FGF14: variants seen among roughly 807,000 people sequenced by gnomAD.
FGF14 encodes the protein fibroblast growth factor homologous factor 4.
A neutral mutation model predicts 25.5 loss-of-function variants in FGF14; 5 were observed. The observed-to-expected ratio is 0.20, with a 90% CI of 0.10 to 0.41. FGF14 has a LOEUF of 0.41. Among genes scored for constraint, FGF14 ranks in the 10% least tolerant of loss-of-function variants. The pLI, the probability that FGF14 is intolerant of heterozygous loss-of-function variation, is 1.00. For missense variants in FGF14, 222 were observed against 320.1 expected (o/e 0.69, Z 2.34); for synonymous variants, 138 against 118.3 (o/e 1.17, Z -1.08).
intron 3 of FGF14, among the ~76,000 whole-genome samples, chr13:101,830,816 G>A (rs1226211711): frequency 6.6e-6 from 1 of 152,048 alleles, no homozygotes; most frequent in Non-Finnish European, 1.5e-5. Context: ...CCATTTTGGT[G>A]GCTCTAGGGA....
At chr13:102,103,724 G>A (rs1466542176) in intron 1 of FGF14, among the ~76,000 whole-genome samples, 1 of 152,112 alleles carries the variant, frequency 6.6e-6, no homozygotes, top group Admixed American at 6.6e-5. Flanking sequence ...TGTTTTAGAG[G>A]TCCTTTACCT....
chr13:102,130,181 C>T (rs1277671092), intron 1 of FGF14, among the ~76,000 whole-genome samples: 4 of 152,052 alleles, frequency 2.6e-5, no homozygotes, highest in African/African-American at 4.8e-5. Flanking sequence ...AACTCCAGCC[C>T]GGGGAAGAAG....
At chr13:102,261,488 T>C (rs1463029104) in intron 1 of FGF14, among the ~76,000 whole-genome samples, 1 of 152,246 alleles carries the variant, frequency 6.6e-6, no homozygotes. Flanking sequence ...GATGTCACTA[T>C]GTAATTATAG....
rs1301913992 is a variant in FGF14, at chr13:102,161,643, G to C, written c.208+239828C>G. Among the ~76,000 whole-genome samples, 84 of 12,660 alleles carry C rather than the reference G, an allele frequency of 6.6e-3. 2 individuals carry two copies. The highest frequency in any genetic ancestry group is 8.8e-3 in the Non-Finnish European group (55 of 6,250). The allele number at this position is 12,660 out of a possible 152,430, so 8.3% of individuals were successfully genotyped here. A position where few individuals can be genotyped will look rare whatever the true frequency, so the allele number is the denominator to read the frequency against. On this transcript the variant is annotated intron_variant, in intron 1 of 4. Transcript: ENST00000376131. ...AGAAGAAGAAGAAGAAGAAGAAGAA[G>C]AAGAAGAAGAAGAAGAAGAAGAAGA...
intron 1 of FGF14, among the ~76,000 whole-genome samples, chr13:101,932,338 T>A (rs1310995399): frequency 2.6e-5 from 4 of 152,026 alleles, no homozygotes; most frequent in Non-Finnish European, 5.9e-5. Context: ...GTGACCAGCC[T>A]GGCCAACATG....
intron 1 of FGF14, among the ~76,000 whole-genome samples, chr13:101,986,385 T>G (rs868038179): frequency 2.0e-5 from 3 of 152,258 alleles, no homozygotes; most frequent in South Asian, 4.1e-4. Context: ...AACTTTCTCA[T>G]ATATTGAATC....
intron 1 of FGF14, among the ~76,000 whole-genome samples, chr13:101,991,997 A>G (rs1407962854): frequency 6.6e-6 from 1 of 152,156 alleles, no homozygotes; most frequent in African/African-American, 2.4e-5. Context: ...TGTAAAGAAG[A>G]AAAACACCCA....
intron 3 of FGF14, among the ~76,000 whole-genome samples, chr13:101,857,645 G>T (rs536623526): frequency 6.6e-6 from 1 of 152,110 alleles, no homozygotes; most frequent in South Asian, 2.1e-4. Flanking sequence ...AACTTAAAAT[G>T]TAGTGAGCAT....
chr13:101,716,099 G>A lies in FGF14; in HGVS notation c.*6732C>T, dbSNP rs2034710063. The A allele has an allele frequency of 6.5e-6, 1 of 153,190 alleles. No homozygotes were observed. The highest frequency in any genetic ancestry group is 1.5e-5 in the Non-Finnish European group (1 of 68,818). The allele number at this position is 153,190 out of a possible 1,614,324, so 9.5% of individuals were successfully genotyped here. On this transcript the variant is annotated 3_prime_UTR_variant, in exon 5 of 5. Coordinates refer to ENST00000376143, the MANE Select transcript of FGF14 (RefSeq NM_004115.4). ...TAGGGCTCAAACTGAGAAACATTGA[G>A]TTATATGGCTATTAGAAATCCACAT...
At chr13:102,201,403 G>A (rs2049641929) in intron 1 of FGF14, among the ~76,000 whole-genome samples, 1 of 152,096 alleles carries the variant, frequency 6.6e-6, no homozygotes, top group South Asian at 2.1e-4. Flanking sequence ...TGCCCTTAGT[G>A]TACAAAGGAA....
intron 3 of FGF14, among the ~76,000 whole-genome samples, chr13:101,854,053 T>C (rs1444737130): frequency 6.6e-6 from 1 of 152,080 alleles, no homozygotes; most frequent in African/African-American, 2.4e-5. Context: ...CTATTCTACA[T>C]TGCAGTACTG....
At chr13:102,295,896 C>T (rs989781850) in intron 1 of FGF14, among the ~76,000 whole-genome samples, 3 of 152,082 alleles carry the variant, frequency 2.0e-5, no homozygotes, top group African/African-American at 4.8e-5. Flanking sequence ...GCAGAGATTG[C>T]GAAAATAGAT....
At chr13:101,977,538 A>G (rs933076158) in intron 1 of FGF14, among the ~76,000 whole-genome samples, 7 of 151,956 alleles carry the variant, frequency 4.6e-5, no homozygotes, top group Admixed American at 1.3e-4. Context: ...ACGGCCCAGC[A>G]TTTTCCTCCC....
intron 1 of FGF14, among the ~76,000 whole-genome samples, chr13:102,316,555 A>G (rs1365018257): frequency 6.6e-6 from 1 of 152,222 alleles, no homozygotes; most frequent in Non-Finnish European, 1.5e-5. Flanking sequence ...ATGTTAAAAC[A>G]TTGAGAACCA....
intron 3 of FGF14, among the ~76,000 whole-genome samples, chr13:101,837,398 T>A (rs192983344): frequency 6.6e-6 from 1 of 152,184 alleles, no homozygotes; most frequent in African/African-American, 2.4e-5. Flanking sequence ...CTACCTTAAG[T>A]CTCAGACTCT....
At chr13:102,358,972 T>C (rs2057492275) in intron 1 of FGF14, among the ~76,000 whole-genome samples, 1 of 152,176 alleles carries the variant, frequency 6.6e-6, no homozygotes, top group South Asian at 2.1e-4. Flanking sequence ...ATATATACCA[T>C]GGAATACTAT....
intron 1 of FGF14, among the ~76,000 whole-genome samples, chr13:101,901,198 T>TG (rs1298672899): frequency 9.3e-5 from 14 of 150,732 alleles, no homozygotes; most frequent in African/African-American, 3.5e-4. Context: ...AAAGTCTTTC[T>TG]GAAAAAAAAA....
chr13:102,107,771 T>C (rs778768084), intron 1 of FGF14, among the ~76,000 whole-genome samples: 3 of 152,112 alleles, frequency 2.0e-5, no homozygotes, highest in Non-Finnish European at 2.9e-5. Flanking sequence ...TCTGGGCAGA[T>C]GGAATCGCAT....
chr13:102,379,120 CTG>C (rs964836485), intron 1 of FGF14, among the ~76,000 whole-genome samples: 2 of 152,104 alleles, frequency 1.3e-5, no homozygotes, highest in East Asian at 3.8e-4. Flanking sequence ...TTTTTAAACA[CTG>C]TATTATTTAA....
Sources: allele counts gnomAD v4.1 joint callset (sites outside exome capture counted in the v4.1 genomes callset), GRCh38; gene constraint gnomAD v4.1.1; transcripts MANE v1.5; gene names NCBI Gene and HGNC (gene_info 2026-07-23, HGNC 2026-07-21).